The following AFF3 variants were observed in gnomAD, a reference collection of about 807,000 sequenced individuals.
The protein encoded by AFF3 is ALF transcription elongation factor 3.
A neutral mutation model predicts 129.7 loss-of-function variants in AFF3; 32 were observed. That is an observed-to-expected ratio of 0.25 (90% CI 0.19 to 0.33). The LOEUF (loss-of-function observed/expected upper bound fraction) is 0.33, where lower values mean the gene tolerates loss of function less well. AFF3 is among the 10% of genes least tolerant of loss of function. The pLI is 1.00. For synonymous variants in AFF3, 644 were observed against 635.4 expected (o/e 1.01, Z -0.20); for missense variants, 1,373 against 1,592.0 (o/e 0.86, Z 2.34).
intron 7 of AFF3, among the ~76,000 whole-genome samples, chr2:99,960,075 A>T (rs773632790): frequency 1.3e-5 from 2 of 152,160 alleles, no homozygotes; most frequent in Non-Finnish European, 2.9e-5. Context: ...AGGTAAACAG[A>T]TTTGTAAACT....
At chr2:99,735,731 G>T (rs1680200755) in intron 10 of AFF3, among the ~76,000 whole-genome samples, 1 of 152,130 alleles carries the variant, frequency 6.6e-6, no homozygotes, top group African/African-American at 2.4e-5. Context: ...GACCTCAATG[G>T]ATCCGCCCAC....
At chr2:100,136,327 G>A (rs1045001275) in intron 1 of AFF3, among the ~76,000 whole-genome samples, 2 of 152,132 alleles carry the variant, frequency 1.3e-5, no homozygotes, top group Non-Finnish European at 2.9e-5. Context: ...TGGGAGAGGT[G>A]GAGAAGGCAC....
chr2:99,931,347 G>A (rs571305204), intron 7 of AFF3, among the ~76,000 whole-genome samples: 20 of 152,268 alleles, frequency 1.3e-4, no homozygotes, highest in Middle Eastern at 3.4e-3. Context: ...TAACTGCAGC[G>A]TTGCCATTAA....
intron 2 of AFF3, among the ~76,000 whole-genome samples, chr2:100,113,236 C>G (rs1245425033): frequency 3.9e-5 from 6 of 152,124 alleles, no homozygotes; most frequent in Non-Finnish European, 8.8e-5. Flanking sequence ...TATTACATGC[C>G]AAGCAGTGAG....
chr2:99,644,044 C>T (rs542404106), intron 13 of AFF3, among the ~76,000 whole-genome samples: 9 of 152,306 alleles, frequency 5.9e-5, no homozygotes, highest in African/African-American at 2.2e-4. Flanking sequence ...GCACCCCCAG[C>T]CCCAGCACAG....
chr2:99,954,050 T>G (rs1341477551), intron 7 of AFF3, among the ~76,000 whole-genome samples: 1 of 152,226 alleles, frequency 6.6e-6, no homozygotes, highest in Non-Finnish European at 1.5e-5. Context: ...CCTTGTATAC[T>G]TATTCCAGGG....
chr2:99,977,492 G>A (rs1437667192), intron 7 of AFF3, among the ~76,000 whole-genome samples: 3 of 152,242 alleles, frequency 2.0e-5, no homozygotes, highest in African/African-American at 7.2e-5. Context: ...AGTAGAAATT[G>A]TGTGAATGCC....
At chr2:99,683,979 C>G (rs1674785981) in intron 11 of AFF3, among the ~76,000 whole-genome samples, 1 of 152,140 alleles carries the variant, frequency 6.6e-6, no homozygotes, top group Non-Finnish European at 1.5e-5. Flanking sequence ...CTGTAGTTCT[C>G]TTCTGTATCT....
chr2:99,608,486 T>G (rs1352468037), intron 13 of AFF3, among the ~76,000 whole-genome samples: 1 of 152,202 alleles, frequency 6.6e-6, no homozygotes, highest in Non-Finnish European at 1.5e-5. Flanking sequence ...ACTGGTAACT[T>G]TAGAATGCTA....
At chr2:99,595,699 C>G (rs1238493893) in intron 14 of AFF3, among the ~76,000 whole-genome samples, 1 of 152,188 alleles carries the variant, frequency 6.6e-6, no homozygotes, top group Non-Finnish European at 1.5e-5. Flanking sequence ...ACCCCAGGCA[C>G]TGAGGATTTC....
chr2:99,746,312 A>G (rs1163960075), intron 9 of AFF3, among the ~76,000 whole-genome samples: 1 of 66,348 alleles, frequency 1.5e-5, no homozygotes, highest in Non-Finnish European at 3.9e-5. Flanking sequence ...ATTTTGTTCC[A>G]CGAGTATAGC....
chr2:99,649,973 CA>C (rs1236958053), intron 12 of AFF3, among the ~76,000 whole-genome samples: 1 of 152,170 alleles, frequency 6.6e-6, no homozygotes. Flanking sequence ...TGGCAAAGAC[CA>C]GAGCTACTTC....
At chr2:100,067,610 T>C (rs1045500045) in intron 4 of AFF3, among the ~76,000 whole-genome samples, 3 of 152,202 alleles carry the variant, frequency 2.0e-5, no homozygotes, top group South Asian at 2.1e-4. Flanking sequence ...GTGGCATTAA[T>C]AATAATGGCA....
At chr2:99,966,614 C>T (rs1410575887) in intron 7 of AFF3, among the ~76,000 whole-genome samples, 76 of 134,604 alleles carry the variant, frequency 5.6e-4, no homozygotes, top group African/African-American at 1.9e-3. Context: ...GGCGTGAACC[C>T]GGGAGGCGGA....
At chr2:99,962,850 A>AAATAAT (rs70940192) in intron 7 of AFF3, among the ~76,000 whole-genome samples, 2,457 of 142,022 alleles carry the variant, frequency 0.017, 30 homozygotes, top group East Asian at 0.042. Flanking sequence ...AAGAGTATTC[A>AAATAAT]AATAATAATA....
intron 4 of AFF3, among the ~76,000 whole-genome samples, chr2:100,042,936 G>T (rs1397914838): frequency 6.6e-6 from 1 of 152,012 alleles, no homozygotes; most frequent in Non-Finnish European, 1.5e-5. Context: ...TCGTACTGAT[G>T]TTTTTCTCGG....
rs560192801 is a variant in AFF3 at position 99,787,722 on chromosome 2, G to A, written c.922-35421C>T. On this transcript the variant is annotated intron_variant, in intron 8 of 24. Coordinates refer to ENST00000672756, the MANE Select transcript of AFF3 (RefSeq NM_001386135.1). ...GAAGACGGTTTTGGCTGAGCAGGGA[G>A]AAGAAAACAAACAAACGAACAAACA... Among the ~76,000 whole-genome samples the A allele has an allele frequency of 4.6e-5, 7 of 152,278 alleles. No homozygotes were observed. The South Asian group carries it at 1.4e-3, about 32-fold the overall frequency.
At chr2:99,639,455 G>C (rs1683980471) in intron 13 of AFF3, among the ~76,000 whole-genome samples, 1 of 152,194 alleles carries the variant, frequency 6.6e-6, no homozygotes, top group South Asian at 2.1e-4. Context: ...TGCTGGGCCT[G>C]TTAGAGAGGA....
At chr2:99,787,305 C>T (rs760914111) in intron 8 of AFF3, among the ~76,000 whole-genome samples, 37 of 151,992 alleles carry the variant, frequency 2.4e-4, no homozygotes, top group East Asian at 1.5e-3. Context: ...GGGGCATAGA[C>T]GGGAGAAAAC....
Sources: gnomAD v4.1 joint callset for allele counts (sites outside exome capture counted in the v4.1 genomes callset) on GRCh38, gnomAD v4.1.1 for gene constraint, MANE v1.5 for transcripts, NCBI Gene and HGNC (gene_info 2026-07-23, HGNC 2026-07-21) for gene names.